RFC1: variants seen among roughly 807,000 people sequenced by gnomAD.
RFC1 encodes A1 140 kDa subunit.
In RFC1, 37 loss-of-function variants were observed where a neutral mutation model predicts 137.4. The observed-to-expected ratio is 0.27, with a 90% confidence interval of 0.21 to 0.35. The LOEUF is 0.35. Among genes scored for constraint, RFC1 ranks in the 10% least tolerant of loss-of-function variants. The probability of loss-of-function intolerance (pLI) is 1.00; values close to 1 mark genes in which losing one functional copy is unlikely to be tolerated. For missense variants in RFC1, 1,205 were observed against 1,358.5 expected (o/e 0.89, Z 1.78); for synonymous variants, 429 against 455.7 (o/e 0.94, Z 0.75).
intron 10 of RFC1, among the ~76,000 whole-genome samples, chr4:39,316,384 C>G (rs537844537): frequency 1.3e-5 from 2 of 152,276 alleles, no homozygotes; most frequent in East Asian, 3.9e-4. Context: ...ACATACCATG[C>G]AAGAACCTTC....
chr4:39,327,521 T>C lies in RFC1; in HGVS notation c.564+3A>G. 3 of 1,598,552 alleles carry C rather than the reference T, an allele frequency of 1.9e-6. No homozygotes were observed. Among genetic ancestry groups the C allele is most frequent in the Non-Finnish European group, 2.6e-6 (3 of 1,169,772 alleles). ...CATACTTGCTTATATGTAGAACACT[T>C]ACCTCTTTTCTTTTGCTTGCCACCA... On this transcript the variant is annotated splice_donor_region_variant and intron_variant, in intron 5 of 24. Coordinates refer to ENST00000349703, the MANE Select transcript of RFC1 (RefSeq NM_002913.5).
At chr4:39,328,678 C>T (rs1739913493) in intron 4 of RFC1, among the ~76,000 whole-genome samples, 1 of 152,096 alleles carries the variant, frequency 6.6e-6, no homozygotes, top group Admixed American at 6.5e-5. Flanking sequence ...GGGGCCAAAT[C>T]CTGGAGGACT....
chr4:39,290,397 A>G (rs1737607399), intron 23 of RFC1, among the ~76,000 whole-genome samples: 2 of 151,656 alleles, frequency 1.3e-5, no homozygotes, highest in South Asian at 2.1e-4. Context: ...ACGTATATAT[A>G]TATTTGGGAA....
chr4:39,300,403 A>G lies in RFC1; in HGVS notation c.2547T>C (p.Asp849=). The change falls in exon 20 of 25, where the codon GAT becomes GAC. Residue 849 remains aspartate, a synonymous_variant. Transcript: ENST00000349703. ...CAGCTGCAAACACTTTCCGGGCAAC[A>G]TCAAATGGGCCCTGAAAAAAGAGAG... ...AKKDIKMGPF[D]VARKVFAAGE... 1 of 1,613,988 alleles carries G rather than the reference A, an allele frequency of 6.2e-7. No individual in the cohort carries two copies. Among genetic ancestry groups the G allele is most frequent in the South Asian group, 1.1e-5 (1 of 91,060 alleles).
At chr4:39,342,539 C>T in intron 3 of RFC1, 72 bp from the exon 4 acceptor site, 2 of 1,438,348 alleles carry the variant, frequency 1.4e-6, no homozygotes, top group Non-Finnish European at 9.5e-7. Flanking sequence ...TTAAAGTAGT[C>T]ACGGTGAACC....
intron 4 of RFC1, among the ~76,000 whole-genome samples, chr4:39,332,543 A>G (rs1740152443): frequency 6.6e-6 from 1 of 152,242 alleles, no homozygotes; most frequent in Admixed American, 6.5e-5. Context: ...CTAGACTTAA[A>G]TACTTTCAAA....
At chr4:39,323,842 T>G (rs1182736751) in intron 6 of RFC1, among the ~76,000 whole-genome samples, 1 of 152,190 alleles carries the variant, frequency 6.6e-6, no homozygotes, top group Non-Finnish European at 1.5e-5. Flanking sequence ...TTTAAAAAAA[T>G]TATACAGTAT....
intron 1 of RFC1, among the ~76,000 whole-genome samples, chr4:39,357,513 T>C (rs1187442424): frequency 6.6e-6 from 1 of 152,238 alleles, no homozygotes; most frequent in Non-Finnish European, 1.5e-5. Context: ...ACTAAAGCAT[T>C]TGAGACTGTT....
At chr4:39,313,698 A>G (rs927696823) in intron 10 of RFC1, among the ~76,000 whole-genome samples, 4 of 152,244 alleles carry the variant, frequency 2.6e-5, no homozygotes, top group Admixed American at 2.0e-4. Flanking sequence ...GAAAAAAGGG[A>G]AAAAAGGCAA....
chr4:39,364,276 AAAAAG>A (rs1741912346), intron 1 of RFC1, among the ~76,000 whole-genome samples: 1 of 151,840 alleles, frequency 6.6e-6, no homozygotes, highest in Admixed American at 6.6e-5. Flanking sequence ...GAAAAAAAAA[AAAAAG>A]AACTACTGTC....
At chr4:39,365,312 A>T in intron 1 of RFC1, 2 of 202,044 alleles carry the variant, frequency 9.9e-6, no homozygotes, top group Non-Finnish European at 1.4e-5. Context: ...TAAAATTTTC[A>T]CCGCCCCCCC....
At chr4:39,314,874 TCTC>T (rs1238753155) in intron 10 of RFC1, among the ~76,000 whole-genome samples, 1 of 152,070 alleles carries the variant, frequency 6.6e-6, no homozygotes, top group Non-Finnish European at 1.5e-5. Context: ...TACAATTGAT[TCTC>T]CTTCTCCTGC....
intron 21 of RFC1, among the ~76,000 whole-genome samples, chr4:39,296,528 T>C (rs1176268481): frequency 1.4e-5 from 2 of 146,602 alleles, no homozygotes; most frequent in Non-Finnish European, 3.0e-5. Context: ...TTGCAATAGT[T>C]TACTGAGAAT....
chr4:39,334,404 T>C (rs547274824), intron 4 of RFC1, among the ~76,000 whole-genome samples: 1 of 152,062 alleles, frequency 6.6e-6, no homozygotes, highest in Non-Finnish European at 1.5e-5. Context: ...TACCAATATA[T>C]TATGGAAAGA....
At chr4:39,358,741 A>C (rs563669698) in intron 1 of RFC1, among the ~76,000 whole-genome samples, 2 of 152,338 alleles carry the variant, frequency 1.3e-5, no homozygotes, top group African/African-American at 4.8e-5. Flanking sequence ...AAATACGAAA[A>C]AACAAACATA....
intron 10 of RFC1, among the ~76,000 whole-genome samples, chr4:39,316,225 C>T (rs1739235305): frequency 6.6e-6 from 1 of 152,162 alleles, no homozygotes. Context: ...AGCGAAAACT[C>T]CATTTCAAAA....
At chr4:39,333,977 A>G (rs189892891) in intron 4 of RFC1, among the ~76,000 whole-genome samples, 91 of 152,262 alleles carry the variant, frequency 6.0e-4, no homozygotes, top group African/African-American at 1.8e-3. Context: ...TTCTCTGTTA[A>G]CTACAAAATA....
At chr4:39,296,059 C>G (rs1369677645) in intron 21 of RFC1, among the ~76,000 whole-genome samples, 1 of 152,100 alleles carries the variant, frequency 6.6e-6, no homozygotes, top group East Asian at 1.9e-4. Context: ...TCACCGATGC[C>G]AACGTCACAG....
rs1216269320 is a variant in RFC1 at position 39,304,935 on chromosome 4, A to G, written c.1996-7T>C. ...CGTAGCTGTATCCCAACTCCTAATCAAAATATTGGAAACCACTGAAGGCAC... is the reference window on the plus strand; with the variant it reads ...CGTAGCTGTATCCCAACTCCTAATCGAAATATTGGAAACCACTGAAGGCAC... On this transcript the variant is annotated splice_polypyrimidine_tract_variant and splice_region_variant and intron_variant, in intron 14 of 24. Coordinates refer to ENST00000349703, the MANE Select transcript of RFC1 (RefSeq NM_002913.5). 2.0e-6 allele frequency: 3 copies of G among 1,532,484 alleles called. No homozygotes were observed. Among genetic ancestry groups the G allele is most frequent in the Non-Finnish European group, 2.7e-6 (3 of 1,105,844 alleles). The allele number at this position is 1,532,484 out of a possible 1,614,324, so 94.9% of individuals were successfully genotyped here.
Sources: allele counts gnomAD v4.1 joint callset (sites outside exome capture counted in the v4.1 genomes callset), GRCh38; gene constraint gnomAD v4.1.1; transcripts MANE v1.5; gene names NCBI Gene and HGNC (gene_info 2026-07-23, HGNC 2026-07-21).